TEX9: variants seen among roughly 807,000 people sequenced by gnomAD.
TEX9 encodes testis-expressed protein 9.
In TEX9, 74 loss-of-function variants were observed where a neutral mutation model predicts 59.6. The observed-to-expected ratio is 1.24, with a 90% CI of 1.03 to 1.51. The LOEUF (loss-of-function observed/expected upper bound fraction) is 1.51. Among genes scored for constraint, TEX9 ranks in the 40% most tolerant of loss-of-function variants. The pLI, the probability that TEX9 is intolerant of heterozygous loss-of-function variation, is 0.00. For missense variants in TEX9, 522 were observed against 447.8 expected (o/e 1.17, Z -1.49); for synonymous variants, 186 against 152.2 (o/e 1.22, Z -1.64).
At chr15:56,441,877 G>A (rs949202261) in intron 12 of TEX9, among the ~76,000 whole-genome samples, 2 of 151,822 alleles carry the variant, frequency 1.3e-5, no homozygotes, top group African/African-American at 4.8e-5. Flanking sequence ...AAAATTAGCC[G>A]GGCATGGTGG....
intron 9 of TEX9, among the ~76,000 whole-genome samples, chr15:56,410,347 T>C (rs1306776860): frequency 6.6e-6 from 1 of 152,146 alleles, no homozygotes. Context: ...CCCTCTCTTT[T>C]CTTACTCTCC....
At chr15:56,457,643 G>T in the TEX9 span, among the ~76,000 whole-genome samples, 1 of 152,190 alleles carries the variant, frequency 6.6e-6, no homozygotes, top group Non-Finnish European at 1.5e-5. Flanking sequence ...GCAACATAGA[G>T]AGGTGCTGTC....
chr15:56,429,375 A>C (rs1248248536), intron 12 of TEX9: 1 of 520,882 alleles, frequency 1.9e-6, no homozygotes. Flanking sequence ...ATATATATTG[A>C]ATATTCCTAG....
intron 9 of TEX9, among the ~76,000 whole-genome samples, chr15:56,407,681 A>G (rs913824537): frequency 3.9e-5 from 6 of 152,108 alleles, no homozygotes; most frequent in Admixed American, 1.3e-4. Context: ...TGAGAAGTCA[A>G]TTCCCTCTCC....
intron 1 of TEX9, among the ~76,000 whole-genome samples, chr15:56,329,044 G>A (rs538269350): frequency 1.1e-3 from 164 of 152,260 alleles, no homozygotes; most frequent in Admixed American, 2.3e-3. Flanking sequence ...AGAAGTGCTG[G>A]TGTCACCCCA....
intron 1 of TEX9, among the ~76,000 whole-genome samples, chr15:56,247,110 G>A (rs1462015927): frequency 6.6e-6 from 1 of 152,096 alleles, no homozygotes; most frequent in Non-Finnish European, 1.5e-5. Flanking sequence ...CATTTTCCTA[G>A]CCCAATCCAT....
At chr15:56,317,178 C>T (rs544193184) in intron 1 of TEX9, among the ~76,000 whole-genome samples, 10 of 152,330 alleles carry the variant, frequency 6.6e-5, no homozygotes, top group African/African-American at 2.4e-4. Flanking sequence ...CTCCTCCCCC[C>T]TTGTGGGAAG....
At chr15:56,346,299 C>A (rs1334462197) in intron 1 of TEX9, among the ~76,000 whole-genome samples, 1 of 152,120 alleles carries the variant, frequency 6.6e-6, no homozygotes, top group Non-Finnish European at 1.5e-5. Flanking sequence ...TCAGCTCATT[C>A]TTCAGAGGAG....
At chr15:56,244,947 G>A (rs2043811883) in intron 1 of TEX9, among the ~76,000 whole-genome samples, 1 of 152,176 alleles carries the variant, frequency 6.6e-6, no homozygotes, top group Non-Finnish European at 1.5e-5. Context: ...GAATACAACA[G>A]CCAAGGCCTC....
At chr15:56,289,685 T>C (rs1181019437) in intron 1 of TEX9, among the ~76,000 whole-genome samples, 1 of 152,122 alleles carries the variant, frequency 6.6e-6, no homozygotes, top group African/African-American at 2.4e-5. Flanking sequence ...GCGTGTGGGC[T>C]CACTTGCAGT....
At chr15:56,443,877 G>T in intron 12 of TEX9, 3 of 1,487,494 alleles carry the variant, frequency 2.0e-6, no homozygotes, top group Non-Finnish European at 2.7e-6. Flanking sequence ...AACAAGTACA[G>T]ATTTATAGTA....
At chr15:56,347,478 T>A (rs563324740) in intron 1 of TEX9, among the ~76,000 whole-genome samples, 1 of 151,758 alleles carries the variant, frequency 6.6e-6, no homozygotes, top group South Asian at 2.1e-4. Context: ...TTAAATGGGA[T>A]AAATATAGCC....
chr15:56,419,896 G>A (rs2049885895), intron 10 of TEX9, among the ~76,000 whole-genome samples: 1 of 151,876 alleles, frequency 6.6e-6, no homozygotes, highest in Admixed American at 6.6e-5. Flanking sequence ...AGCCGTCTGG[G>A]CCTGAGGTTT....
At chr15:56,250,264 G>A (rs1405015444) in intron 1 of TEX9, among the ~76,000 whole-genome samples, 1 of 152,210 alleles carries the variant, frequency 6.6e-6, no homozygotes, top group Non-Finnish European at 1.5e-5. Flanking sequence ...ACCAGTGAAT[G>A]GCGTAGCTAA....
intron 9 of TEX9, among the ~76,000 whole-genome samples, chr15:56,407,600 T>C (rs901385701): frequency 6.6e-6 from 1 of 152,196 alleles, no homozygotes. Context: ...TTCTGTCATT[T>C]ATTCTTAATC....
intron 1 of TEX9, among the ~76,000 whole-genome samples, chr15:56,330,653 C>G (rs375434733): frequency 6.6e-6 from 1 of 151,716 alleles, no homozygotes; most frequent in Non-Finnish European, 1.5e-5. Flanking sequence ...AGTAACCTCA[C>G]ATCAAAAAAT....
At chr15:56,459,719 C>T in the TEX9 span, among the ~76,000 whole-genome samples, 8 of 151,884 alleles carry the variant, frequency 5.3e-5, no homozygotes, top group Admixed American at 5.2e-4. Flanking sequence ...CACGGTGGCT[C>T]ATGCCTGTAA....
chr15:56,288,888 A>G (rs2045016541), intron 1 of TEX9, among the ~76,000 whole-genome samples: 1 of 152,020 alleles, frequency 6.6e-6, no homozygotes, highest in African/African-American at 2.4e-5. Context: ...TTTTGATGCT[A>G]TCCCATAAAT....
At chr15:56,322,044 T>C (rs1471916722) in intron 1 of TEX9, among the ~76,000 whole-genome samples, 2 of 152,020 alleles carry the variant, frequency 1.3e-5, no homozygotes, top group Non-Finnish European at 2.9e-5. Flanking sequence ...TTCATATAAG[T>C]ATACAGCACA....
Sources: allele counts gnomAD v4.1 joint callset (sites outside exome capture counted in the v4.1 genomes callset), GRCh38; gene constraint gnomAD v4.1.1; transcripts MANE v1.5; gene names NCBI Gene and HGNC (gene_info 2026-07-23, HGNC 2026-07-21).